KCTD16: variants seen among roughly 807,000 people sequenced by gnomAD.
KCTD16 encodes the protein BTB/POZ domain-containing protein KCTD16.
A neutral mutation model predicts 33.2 loss-of-function variants in KCTD16; 13 were observed. That is an observed-to-expected ratio of 0.39 (90% CI 0.25 to 0.62). The LOEUF (loss-of-function observed/expected upper bound fraction) is 0.62, where lower values mean the gene tolerates loss of function less well. Among genes scored for constraint, KCTD16 ranks in the 20% least tolerant of loss-of-function variants. The pLI is 0.50. For missense variants in KCTD16, 441 were observed against 525.1 expected (o/e 0.84, Z 1.57); for synonymous variants, 197 against 195.3 (o/e 1.01, Z -0.07).
chr5:144,239,812 A>G (rs1226480851), intron 3 of KCTD16, among the ~76,000 whole-genome samples: 1 of 152,138 alleles, frequency 6.6e-6, no homozygotes, highest in African/African-American at 2.4e-5. Flanking sequence ...TGGAAAATCT[A>G]TTTGGGTTTA....
At chr5:144,433,324 G>A (rs868697361) in intron 3 of KCTD16, among the ~76,000 whole-genome samples, 6 of 152,064 alleles carry the variant, frequency 3.9e-5, no homozygotes, top group African/African-American at 1.2e-4. Flanking sequence ...ATCCCTGGTG[G>A]CATGAGGCAA....
chr5:144,230,083 A>G (rs1320998029), intron 3 of KCTD16, among the ~76,000 whole-genome samples: 1 of 152,222 alleles, frequency 6.6e-6, no homozygotes, highest in African/African-American at 2.4e-5. Context: ...TGGAGACTGC[A>G]GTGAGCCAAG....
At chr5:144,287,987 A>G (rs1580846889) in intron 3 of KCTD16, among the ~76,000 whole-genome samples, 1 of 152,144 alleles carries the variant, frequency 6.6e-6, no homozygotes, top group East Asian at 1.9e-4. Flanking sequence ...GTAAAGTACC[A>G]TATGAGGATC....
intron 3 of KCTD16, among the ~76,000 whole-genome samples, chr5:144,466,241 T>TG (rs1251004198): frequency 7.3e-6 from 1 of 137,790 alleles, no homozygotes; most frequent in African/African-American, 3.2e-5. Flanking sequence ...TAGCTAGGGT[T>TG]TTTTTTTTTT....
At chr5:144,287,642 A>G (rs980432006) in intron 3 of KCTD16, among the ~76,000 whole-genome samples, 9 of 151,936 alleles carry the variant, frequency 5.9e-5, no homozygotes. Flanking sequence ...TAATATTATT[A>G]TTATTCTTTT....
chr5:144,453,664 A>G (rs769934102), intron 3 of KCTD16, among the ~76,000 whole-genome samples: 28 of 152,198 alleles, frequency 1.8e-4, no homozygotes, highest in Admixed American at 5.2e-4. Context: ...AAAATCCACT[A>G]ATTAACTATT....
chr5:144,387,991 G>T (rs1752362585), intron 3 of KCTD16, among the ~76,000 whole-genome samples: 1 of 150,140 alleles, frequency 6.7e-6, no homozygotes. Context: ...CACTTTTTAA[G>T]GGTCAAAGAT....
chr5:144,350,384 G>T (rs918374269), intron 3 of KCTD16, among the ~76,000 whole-genome samples: 4 of 152,120 alleles, frequency 2.6e-5, no homozygotes, highest in Non-Finnish European at 5.9e-5. Context: ...CACAGTGAAG[G>T]CATAGGACAG....
At chr5:144,462,165 A>G (rs1341293527) in intron 3 of KCTD16, among the ~76,000 whole-genome samples, 1 of 151,348 alleles carries the variant, frequency 6.6e-6, no homozygotes, top group Non-Finnish European at 1.5e-5. Flanking sequence ...TTACTGTCTC[A>G]CATTTGCTCT....
chr5:144,420,082 G>A (rs73296059), intron 3 of KCTD16, among the ~76,000 whole-genome samples: 8,141 of 152,118 alleles, frequency 0.054, 751 homozygotes, highest in African/African-American at 0.19. Context: ...CTCAATGCTG[G>A]TGATACAGCA....
chr5:144,186,477 G>A (rs1752729861), intron 2 of KCTD16, among the ~76,000 whole-genome samples: 1 of 151,664 alleles, frequency 6.6e-6, no homozygotes, highest in Admixed American at 6.6e-5. Context: ...ATCATCATAA[G>A]CATTGCATTT....
intron 3 of KCTD16, among the ~76,000 whole-genome samples, chr5:144,380,480 G>A (rs1752189670): frequency 6.6e-6 from 1 of 152,126 alleles, no homozygotes; most frequent in Non-Finnish European, 1.5e-5. Context: ...TACAGAATTA[G>A]AGAAGACTAT....
chr5:144,475,543 T>C lies in KCTD16; in HGVS notation c.*1429T>C, dbSNP rs1178358595. Reference sequence around the variant, plus strand: ...GGTACCAATAGCTCTTTCATAGACTTGTGCTACAAGAAGGTTAAAAGACCA... The same window carrying C: ...GGTACCAATAGCTCTTTCATAGACTCGTGCTACAAGAAGGTTAAAAGACCA... On this transcript the variant is annotated 3_prime_UTR_variant, in exon 4 of 4. Transcript: ENST00000512467. The C allele has an allele frequency of 6.5e-6, 1 of 152,678 alleles. No individual in the cohort carries two copies. The highest frequency in any genetic ancestry group is 1.5e-5 in the Non-Finnish European group (1 of 68,046). The allele number at this position is 152,678 out of a possible 1,614,324, so 9.5% of individuals were successfully genotyped here.
At chr5:144,376,784 T>C (rs1227846706) in intron 3 of KCTD16, among the ~76,000 whole-genome samples, 2 of 152,346 alleles carry the variant, frequency 1.3e-5, no homozygotes, top group Middle Eastern at 3.4e-3. Flanking sequence ...GGCTTTGTCA[T>C]GTTTTAAGGA....
chr5:144,334,460 G>A (rs947675595), intron 3 of KCTD16, among the ~76,000 whole-genome samples: 3 of 152,088 alleles, frequency 2.0e-5, no homozygotes, highest in Non-Finnish European at 2.9e-5. Context: ...TAATCTAAAG[G>A]TATACAATTC....
intron 3 of KCTD16, among the ~76,000 whole-genome samples, chr5:144,330,650 G>A (rs1052425086): frequency 6.6e-6 from 1 of 151,702 alleles, no homozygotes; most frequent in African/African-American, 2.4e-5. Context: ...CTTCTGATAT[G>A]TCAAGCAATG....
intron 3 of KCTD16, among the ~76,000 whole-genome samples, chr5:144,221,426 C>A (rs185256683): frequency 2.9e-4 from 44 of 152,204 alleles, no homozygotes; most frequent in African/African-American, 1.0e-3. Context: ...TTGCCCCCCA[C>A]CCCCTGACAG....
At chr5:144,418,211 G>A (rs1002150344) in intron 3 of KCTD16, among the ~76,000 whole-genome samples, 3 of 152,178 alleles carry the variant, frequency 2.0e-5, no homozygotes, top group South Asian at 2.1e-4. Flanking sequence ...CAAAGCATGA[G>A]CAGCAGCAAG....
In KCTD16 at chr5:144,331,267, G is replaced by C. The variant is rs192241180; in HGVS notation, c.832+123721G>C. ...TTGTGGACATGGTCTTTTGCTTTAA[G>C]CTAAAAAGAACTCCTCAAATTTGTA... On this transcript the variant is annotated intron_variant, in intron 3 of 3. Coordinates refer to ENST00000512467, the MANE Select transcript of KCTD16 (RefSeq NM_020768.4). Among the ~76,000 whole-genome samples the C allele has an allele frequency of 1.6e-3, 245 of 152,228 alleles. 7 individuals carry two copies. The highest frequency in any genetic ancestry group is 3.2e-4 in the Non-Finnish European group (22 of 68,012).
Sources: gnomAD v4.1 joint callset for allele counts (sites outside exome capture counted in the v4.1 genomes callset) on GRCh38, gnomAD v4.1.1 for gene constraint, MANE v1.5 for transcripts, NCBI Gene and HGNC (gene_info 2026-07-23, HGNC 2026-07-21) for gene names.